Variants in PPP4R4 observed in about 807,000 individuals in gnomAD.
PPP4R4 encodes the protein serine/threonine-protein phosphatase 4 regulatory subunit 4.
Under a neutral mutation model 121.8 loss-of-function variants are expected in PPP4R4, and 70 were observed. The ratio of observed to expected loss-of-function variants is 0.57; its 90% CI spans 0.47 to 0.70. The LOEUF is 0.70. Ranked by LOEUF, PPP4R4 falls within the 30% of genes least tolerant of loss-of-function variation. The pLI, the probability that PPP4R4 is intolerant of heterozygous loss-of-function variation, is 0.00. For missense variants in PPP4R4, 875 were observed against 1,033.6 expected, an observed-to-expected ratio of 0.85 and a Z score of 2.10; for synonymous variants, 348 against 355.7, an observed-to-expected ratio of 0.98 and a Z score of 0.24.
rs544240632 is a variant in PPP4R4 at position 94,222,870 on chromosome 14, A to G, written c.295-7717A>G. 9.2e-5 allele frequency among the ~76,000 whole-genome samples: 14 copies of G among 151,972 alleles called. 1 individual carries two copies. The East Asian group carries it at 2.7e-3, about 29-fold the overall frequency. The stretch of plus-strand genomic sequence containing the variant: ...TCTCTCTCCTCCTTCTAAGACTCCA[A>G]TTTTATGTATATTAGATCTTTTAAT... On this transcript the variant is annotated intron_variant, in intron 3 of 24. Transcript: ENST00000304338.
intron 3 of PPP4R4, among the ~76,000 whole-genome samples, chr14:94,217,010 C>T (rs1891058362): frequency 6.6e-6 from 1 of 152,048 alleles, no homozygotes; most frequent in African/African-American, 2.4e-5. Context: ...CCTCCCGCAC[C>T]CCAAGATACA....
intron 8 of PPP4R4, among the ~76,000 whole-genome samples, chr14:94,238,039 G>A (rs1268385986): frequency 6.6e-6 from 1 of 152,234 alleles, no homozygotes; most frequent in Non-Finnish European, 1.5e-5. Context: ...GAAGTGGAAG[G>A]TGAAGCAGGC....
intron 2 of PPP4R4, among the ~76,000 whole-genome samples, chr14:94,197,817 T>G (rs138655699): frequency 2.3e-4 from 35 of 152,372 alleles, no homozygotes; most frequent in African/African-American, 6.7e-4. Flanking sequence ...TACAGTAGTA[T>G]TATTTTTTTT....
chr14:94,237,045 C>G (rs942774581), intron 7 of PPP4R4, among the ~76,000 whole-genome samples: 1 of 151,952 alleles, frequency 6.6e-6, no homozygotes, highest in East Asian at 1.9e-4. Flanking sequence ...TTGTATACTC[C>G]CTAAAAGTAT....
intron 3 of PPP4R4, among the ~76,000 whole-genome samples, chr14:94,225,541 A>C (rs1289574924): frequency 2.0e-5 from 3 of 152,186 alleles, no homozygotes; most frequent in Non-Finnish European, 1.5e-5. Flanking sequence ...CAGGTTAAGT[A>C]AGACTCTACT....
Position 94,267,015 on chromosome 14 carries a change from T to C in PPP4R4, c.2435T>C (p.Val812Ala). Residue 812 changes from valine (V) to alanine (A), a missense_variant, in exon 23 of 25, where the codon GTG becomes GCG. Transcript: ENST00000304338. Reference sequence around the variant, plus strand: ...GTCTCAGGGTTAGGAAAGACTTCTGTGCTTTCACTAGCTGGTAAGTAGCAA... The same window carrying C: ...GTCTCAGGGTTAGGAAAGACTTCTGCGCTTTCACTAGCTGGTAAGTAGCAA... ...TSVSGLGKTS[V>A]LSLADDSFRT... The C allele has an allele frequency of 1.3e-6, 2 of 1,593,970 alleles. No individual in the cohort carries two copies.
chr14:94,185,018 G>A (rs1477268950), intron 2 of PPP4R4, among the ~76,000 whole-genome samples: 1 of 152,168 alleles, frequency 6.6e-6, no homozygotes, highest in Non-Finnish European at 1.5e-5. Flanking sequence ...GGAAGCAAAT[G>A]CATTTTTCTT....
At chr14:94,175,716 GA>G in intron 1 of PPP4R4, 1 of 292,430 alleles carries the variant, frequency 3.4e-6, no homozygotes. Flanking sequence ...TGAAGTATTA[GA>G]GATAAAAAGT....
At chr14:94,183,490 G>T (rs1889098991) in intron 2 of PPP4R4, among the ~76,000 whole-genome samples, 1 of 152,154 alleles carries the variant, frequency 6.6e-6, no homozygotes, top group East Asian at 1.9e-4. Flanking sequence ...AAAAGTACGA[G>T]GTCTGTGAAT....
chr14:94,270,402 A>G (rs2139657326), intron 23 of PPP4R4, among the ~76,000 whole-genome samples: 1 of 152,354 alleles, frequency 6.6e-6, no homozygotes, highest in Non-Finnish European at 1.5e-5. Context: ...CTGTATTGAA[A>G]TGCAAAAGGA....
intron 3 of PPP4R4, among the ~76,000 whole-genome samples, chr14:94,219,005 T>A (rs1891231574): frequency 6.6e-6 from 1 of 151,304 alleles, no homozygotes; most frequent in South Asian, 2.1e-4. Context: ...AAACAGAAAT[T>A]GAGAGAATTA....
intron 14 of PPP4R4, among the ~76,000 whole-genome samples, chr14:94,248,311 T>G (rs914548661): frequency 1.6e-4 from 25 of 152,038 alleles, no homozygotes; most frequent in African/African-American, 5.8e-4. Flanking sequence ...ATCCCAATTT[T>G]AATAGCCACA....
intron 3 of PPP4R4, among the ~76,000 whole-genome samples, chr14:94,224,530 C>T (rs146776007): frequency 0.018 from 2,670 of 152,138 alleles, 38 homozygotes; most frequent in South Asian, 0.044. Context: ...ATAGTATCAA[C>T]GATAACTCCT....
intron 22 of PPP4R4, among the ~76,000 whole-genome samples, chr14:94,266,172 T>C (rs1229290001): frequency 6.6e-6 from 1 of 152,182 alleles, no homozygotes; most frequent in Non-Finnish European, 1.5e-5. Flanking sequence ...GATAGTAGTA[T>C]ATCACATGTG....
intron 3 of PPP4R4, among the ~76,000 whole-genome samples, chr14:94,226,381 C>T (rs2066719981): frequency 6.6e-6 from 1 of 152,064 alleles, no homozygotes; most frequent in Non-Finnish European, 1.5e-5. Flanking sequence ...TAAAACATAT[C>T]TCCCTTTGTT....
chr14:94,222,444 A>G (rs949095118), intron 3 of PPP4R4, among the ~76,000 whole-genome samples: 1 of 151,758 alleles, frequency 6.6e-6, no homozygotes, highest in Non-Finnish European at 1.5e-5. Flanking sequence ...TCTGACTTAT[A>G]TGTTACTGTT....
chr14:94,235,925 G>T (rs996908997), intron 7 of PPP4R4, among the ~76,000 whole-genome samples: 6 of 152,148 alleles, frequency 3.9e-5, no homozygotes, highest in Non-Finnish European at 8.8e-5. Flanking sequence ...GATTTCATCT[G>T]GTTCTTTGTT....
intron 3 of PPP4R4, among the ~76,000 whole-genome samples, chr14:94,223,303 T>C (rs1317134025): frequency 6.6e-6 from 1 of 152,240 alleles, no homozygotes; most frequent in Non-Finnish European, 1.5e-5. Flanking sequence ...GTTTGAGGCC[T>C]AGGATGATAT....
chr14:94,219,057 C>CTT (rs35618569), intron 3 of PPP4R4, among the ~76,000 whole-genome samples: 1 of 131,802 alleles, frequency 7.6e-6, no homozygotes, highest in Non-Finnish European at 1.6e-5. Flanking sequence ...AAAGGAAAAT[C>CTT]TTTTTTTTTT....
Sources: gnomAD v4.1 joint callset for allele counts (sites outside exome capture counted in the v4.1 genomes callset) on GRCh38, gnomAD v4.1.1 for gene constraint, MANE v1.5 for transcripts, NCBI Gene and HGNC (gene_info 2026-07-23, HGNC 2026-07-21) for gene names.